Variants in TMEM132D observed in about 807,000 individuals in gnomAD.
TMEM132D encodes transmembrane protein 132D.
In TMEM132D, 21 loss-of-function variants were observed where a neutral mutation model predicts 62.3. The observed-to-expected ratio is 0.34, with a 90% CI of 0.24 to 0.49. TMEM132D has a LOEUF of 0.49. TMEM132D is among the 20% of genes least tolerant of loss of function. The pLI is 0.99. For synonymous variants in TMEM132D, 621 were observed against 575.6 expected, an observed-to-expected ratio of 1.08 and a Z score of -1.13; for missense variants, 1,346 against 1,402.8, an observed-to-expected ratio of 0.96 and a Z score of 0.65.
chr12:129,078,475 G>A (rs2002553), intron 8 of TMEM132D, 59 bp downstream of exon 8: 199,333 of 1,548,296 alleles, frequency 0.13, 13,518 homozygotes, highest in African/African-American at 0.19. Context: ...TGCCTGCCTG[G>A]TGTGTGATCC....
chr12:129,782,878 A>T (rs1871159336), intron 1 of TMEM132D, among the ~76,000 whole-genome samples: 1 of 152,212 alleles, frequency 6.6e-6, no homozygotes, highest in African/African-American at 2.4e-5. Flanking sequence ...GTGGCACCTT[A>T]ACACTTTTTT....
intron 3 of TMEM132D, among the ~76,000 whole-genome samples, chr12:129,340,065 G>C (rs1271989475): frequency 6.6e-6 from 1 of 152,162 alleles, no homozygotes; most frequent in African/African-American, 2.4e-5. Flanking sequence ...ATATATGTAA[G>C]TTCTTGCCAT....
At chr12:129,443,031 G>A (rs1022887374) in intron 3 of TMEM132D, among the ~76,000 whole-genome samples, 2 of 152,040 alleles carry the variant, frequency 1.3e-5, no homozygotes, top group South Asian at 2.1e-4. Context: ...GAGAGGCCAG[G>A]CACCCTTGCT....
intron 4 of TMEM132D, among the ~76,000 whole-genome samples, chr12:129,255,937 G>A (rs1056646699): frequency 6.6e-6 from 1 of 152,224 alleles, no homozygotes; most frequent in African/African-American, 2.4e-5. Context: ...GCTTAGATCA[G>A]TCCAGGACCA....
chr12:129,733,549 T>C (rs1869320054), intron 1 of TMEM132D, among the ~76,000 whole-genome samples: 1 of 152,154 alleles, frequency 6.6e-6, no homozygotes, highest in Admixed American at 6.5e-5. Flanking sequence ...GATTACAGAT[T>C]CATGAGTCTA....
chr12:129,734,237 A>T (rs1278492991), intron 1 of TMEM132D, among the ~76,000 whole-genome samples: 1 of 152,196 alleles, frequency 6.6e-6, no homozygotes, highest in South Asian at 2.1e-4. Context: ...AAAGTATAAG[A>T]TGTCATGAAC....
At chr12:129,488,198 T>C (rs908646966) in intron 3 of TMEM132D, among the ~76,000 whole-genome samples, 7 of 152,118 alleles carry the variant, frequency 4.6e-5, no homozygotes, top group Non-Finnish European at 1.0e-4. Flanking sequence ...ATAAATAACA[T>C]GGTCTGTGGA....
intron 3 of TMEM132D, among the ~76,000 whole-genome samples, chr12:129,355,872 C>G (rs1017318740): frequency 6.6e-6 from 1 of 152,188 alleles, no homozygotes; most frequent in Non-Finnish European, 1.5e-5. Flanking sequence ...GGGGCCCTCA[C>G]GCAGAGTCCG....
chr12:129,780,143 A>C (rs113440161), intron 1 of TMEM132D, among the ~76,000 whole-genome samples: 5 of 152,048 alleles, frequency 3.3e-5, no homozygotes, highest in South Asian at 2.1e-4. Context: ...CGCCCAAACC[A>C]TCCAAGCCCG....
chr12:129,433,769 C>G (rs940258077), intron 3 of TMEM132D, among the ~76,000 whole-genome samples: 2 of 152,098 alleles, frequency 1.3e-5, no homozygotes, highest in African/African-American at 4.8e-5. Context: ...TGAAACCCCA[C>G]GAAGGGATGC....
intron 7 of TMEM132D, among the ~76,000 whole-genome samples, chr12:129,079,342 C>T (rs77896102): frequency 0.024 from 3,605 of 152,240 alleles, 165 homozygotes; most frequent in African/African-American, 0.082. Flanking sequence ...TTCTGATAAA[C>T]GTAGGTTCTG....
At chr12:129,451,461 A>G (rs1015021183) in intron 3 of TMEM132D, among the ~76,000 whole-genome samples, 3 of 152,228 alleles carry the variant, frequency 2.0e-5, no homozygotes, top group Non-Finnish European at 2.9e-5. Flanking sequence ...TAGATGCTTT[A>G]TAGAGAAGTT....
intron 1 of TMEM132D, among the ~76,000 whole-genome samples, chr12:129,703,645 C>T (rs1306849961): frequency 6.6e-6 from 1 of 152,086 alleles, no homozygotes; most frequent in Non-Finnish European, 1.5e-5. Flanking sequence ...AAGCTATACA[C>T]AGTAAATCTC....
At chr12:129,477,851 C>G (rs889545661) in intron 3 of TMEM132D, among the ~76,000 whole-genome samples, 5 of 151,828 alleles carry the variant, frequency 3.3e-5, no homozygotes, top group African/African-American at 9.7e-5. Context: ...TAGACACATA[C>G]ACACACACAT....
chr12:129,622,183 C>T (rs546255034), intron 2 of TMEM132D, among the ~76,000 whole-genome samples: 1 of 152,234 alleles, frequency 6.6e-6, no homozygotes, highest in South Asian at 2.1e-4. Flanking sequence ...GTCTGCATTT[C>T]GAAACGGATG....
At chr12:129,143,044 G>T (rs565180125) in intron 5 of TMEM132D, among the ~76,000 whole-genome samples, 16 of 152,020 alleles carry the variant, frequency 1.1e-4, no homozygotes, top group African/African-American at 3.6e-4. Flanking sequence ...GCAGACACCA[G>T]CAGGGTAACC....
At chr12:129,750,815 G>A (rs1211394542) in intron 1 of TMEM132D, among the ~76,000 whole-genome samples, 3 of 152,008 alleles carry the variant, frequency 2.0e-5, no homozygotes, top group Non-Finnish European at 2.9e-5. Flanking sequence ...TTTTGAAGTA[G>A]CTAGAAGAGA....
intron 1 of TMEM132D, among the ~76,000 whole-genome samples, chr12:129,892,686 C>T (rs1374190740): frequency 2.0e-5 from 3 of 152,208 alleles, no homozygotes; most frequent in South Asian, 2.1e-4. Flanking sequence ...TCTCTATACA[C>T]GCAGGCCACA....
chr12:129,376,708 T>C (rs891796350), intron 3 of TMEM132D, among the ~76,000 whole-genome samples: 1 of 152,106 alleles, frequency 6.6e-6, no homozygotes, highest in Non-Finnish European at 1.5e-5. Flanking sequence ...TGGAGACTAG[T>C]CCTGAATAAT....
Sources: allele counts gnomAD v4.1 joint callset (sites outside exome capture counted in the v4.1 genomes callset), GRCh38; gene constraint gnomAD v4.1.1; transcripts MANE v1.5; gene names NCBI Gene and HGNC (gene_info 2026-07-23, HGNC 2026-07-21).